The following LRPPRC variants were observed in gnomAD, a reference collection of about 807,000 sequenced individuals.
The protein encoded by LRPPRC is leucine rich pentatricopeptide repeat containing.
Under a neutral mutation model 180.3 loss-of-function variants are expected in LRPPRC, and 120 were observed. The observed-to-expected ratio is 0.67, with a 90% confidence interval of 0.57 to 0.77. The LOEUF is 0.77. Among genes scored for constraint, LRPPRC ranks in the 30% least tolerant of loss-of-function variants. LRPPRC has a pLI of 0.00. For synonymous variants in LRPPRC, 723 were observed against 600.0 expected, an observed-to-expected ratio of 1.21 and a Z score of -3.00; for missense variants, 2,012 against 1,657.2, an observed-to-expected ratio of 1.21 and a Z score of -3.72.
rs753390419 is a variant in LRPPRC at position 43,934,768 on chromosome 2, T to A, written c.2615A>T (p.Asp872Val). 2 of 1,612,936 alleles carry A rather than the reference T, an allele frequency of 1.2e-6. No individual in the cohort carries two copies. Among genetic ancestry groups the A allele is most frequent in the Non-Finnish European group, 1.7e-6 (2 of 1,179,042 alleles). Residue 872 changes from aspartate to valine, a missense_variant, in exon 24 of 38, where the codon GAT becomes GTT. Asp to Val is a radical substitution (Grantham distance 152). Coordinates refer to ENST00000260665, the MANE Select transcript of LRPPRC (RefSeq NM_133259.4). Reference sequence around the variant, plus strand: ...AAGTGACTCACCTTTCTGAATTAGATCAGTCTCGCCTTTCTCTACCAGTTT... The same window carrying A: ...AAGTGACTCACCTTTCTGAATTAGAACAGTCTCGCCTTTCTCTACCAGTTT... ...LCKLVEKGET[D>V]LIQKAMDFVS...
intron 3 of LRPPRC, 28 bp downstream of exon 3, chr2:43,979,798 T>C (rs770855056): frequency 1.9e-6 from 3 of 1,606,926 alleles, no homozygotes; most frequent in Non-Finnish European, 2.6e-6. Context: ...ACACCTTTTA[T>C]ACACATCATA....
intron 36 of LRPPRC, among the ~76,000 whole-genome samples, chr2:43,891,221 T>TGGG (rs1212896529): frequency 1.3e-5 from 2 of 152,244 alleles, no homozygotes; most frequent in Non-Finnish European, 2.9e-5. Flanking sequence ...TCTGGCATCT[T>TGGG]GCCTTTCTTT....
intron 1 of LRPPRC, among the ~76,000 whole-genome samples, chr2:43,987,933 G>A (rs1674599497): frequency 6.6e-6 from 1 of 151,836 alleles, no homozygotes; most frequent in African/African-American, 2.4e-5. Flanking sequence ...TATTAATTAT[G>A]GTAAATGTAA....
chr2:43,890,732 A>C (rs995288192), intron 36 of LRPPRC, among the ~76,000 whole-genome samples: 1 of 152,180 alleles, frequency 6.6e-6, no homozygotes, highest in African/African-American at 2.4e-5. Context: ...AACAAAAGCA[A>C]AACCTATAAG....
At chr2:43,966,501 C>G (rs1347836580) in intron 11 of LRPPRC, among the ~76,000 whole-genome samples, 2 of 151,664 alleles carry the variant, frequency 1.3e-5, no homozygotes, top group Non-Finnish European at 2.9e-5. Flanking sequence ...ACCTCCACCT[C>G]CTGGGTTCAA....
At chr2:43,893,922 G>A (rs1430805956) in intron 36 of LRPPRC, among the ~76,000 whole-genome samples, 1 of 152,002 alleles carries the variant, frequency 6.6e-6, no homozygotes, top group Non-Finnish European at 1.5e-5. Context: ...CAAATCAGTG[G>A]GCCACAGATG....
chr2:43,957,040 T>G (rs1422589866), intron 14 of LRPPRC, among the ~76,000 whole-genome samples: 2 of 152,196 alleles, frequency 1.3e-5, no homozygotes, highest in Non-Finnish European at 2.9e-5. Flanking sequence ...GAATGATACT[T>G]TACTGAATAA....
rs200299073 is a variant in LRPPRC at position 43,963,572 on chromosome 2, C to G, written c.1488+16G>C. 1.4e-6 allele frequency: 2 copies of G among 1,412,624 alleles called. No individual in the cohort carries two copies. The highest frequency in any genetic ancestry group is 1.7e-5 in the Admixed American group (1 of 59,762). 87.5% of individuals were successfully genotyped at this position (1,412,624 alleles called of 1,614,324 possible). A position where few individuals can be genotyped will look rare whatever the true frequency, so the allele number is the denominator to read the frequency against. On this transcript the variant is annotated intron_variant, in intron 12 of 37. Transcript: ENST00000260665. ...ATCCTCTTCAATTATTAAATTAAAA[C>G]CACACTTGTACTCACCTGCAAAATG... is the stretch of plus-strand genomic sequence containing the variant.
intron 25 of LRPPRC, among the ~76,000 whole-genome samples, chr2:43,927,185 T>G (rs1671910266): frequency 6.6e-6 from 1 of 152,266 alleles, no homozygotes; most frequent in African/African-American, 2.4e-5. Context: ...CCCTGGCTGC[T>G]CCAGTCTAGA....
At chr2:43,977,305 A>G in intron 3 of LRPPRC, 29 bp from the exon 4 acceptor site, 1 of 1,576,878 alleles carries the variant, frequency 6.3e-7, no homozygotes, top group Non-Finnish European at 8.7e-7. Flanking sequence ...ATGAATTTTT[A>G]GAAAAGCATT....
intron 29 of LRPPRC, among the ~76,000 whole-genome samples, 193 bp downstream of exon 29, chr2:43,917,832 C>G (rs1024865259): frequency 2.6e-5 from 4 of 152,054 alleles, no homozygotes; most frequent in African/African-American, 7.2e-5. Flanking sequence ...TTATCTACCA[C>G]TCAGTCAATA....
At chr2:43,909,093 A>G (rs949277360) in intron 30 of LRPPRC, among the ~76,000 whole-genome samples, 5 of 152,224 alleles carry the variant, frequency 3.3e-5, no homozygotes, top group African/African-American at 4.8e-5. Flanking sequence ...AACCCACAAA[A>G]TATCTCTTGA....
intron 35 of LRPPRC, among the ~76,000 whole-genome samples, chr2:43,895,712 C>G (rs1670654077): frequency 6.6e-6 from 1 of 151,980 alleles, no homozygotes; most frequent in African/African-American, 2.4e-5. Context: ...AAACGTAGAC[C>G]TCCCAAACTG....
intron 27 of LRPPRC, among the ~76,000 whole-genome samples, chr2:43,920,078 TTAAAAA>T (rs1354898008): frequency 7.2e-5 from 5 of 69,566 alleles, no homozygotes; most frequent in Admixed American, 3.8e-4. Context: ...AATCAGCAAT[TTAAAAA>T]AAAAAAAAAA....
At chr2:43,978,105 T>C (rs563800983) in intron 3 of LRPPRC, among the ~76,000 whole-genome samples, 10 of 152,290 alleles carry the variant, frequency 6.6e-5, no homozygotes, top group South Asian at 4.1e-4. Context: ...GTTCCACATA[T>C]AGTGGCTCAC....
intron 31 of LRPPRC, 124 bp downstream of exon 31, chr2:43,905,568 C>T: frequency 1.3e-6 from 1 of 767,862 alleles, no homozygotes; most frequent in African/African-American, 1.7e-5. Context: ...TCAGCTACCA[C>T]AAAAGGCTCT....
At chr2:43,899,907 T>C (rs1198530205) in intron 32 of LRPPRC, among the ~76,000 whole-genome samples, 4 of 152,218 alleles carry the variant, frequency 2.6e-5, no homozygotes, top group Admixed American at 2.6e-4. Flanking sequence ...TACAGGAGAA[T>C]TAATGAAGAT....
chr2:43,918,571 T>C (rs1671564402), intron 27 of LRPPRC, among the ~76,000 whole-genome samples, 173 bp from the exon 28 acceptor site: 1 of 152,086 alleles, frequency 6.6e-6, no homozygotes, highest in Non-Finnish European at 1.5e-5. Context: ...AACTTTTCTC[T>C]GTACTTCTGA....
chr2:43,937,174 T>C (rs1672307188), intron 23 of LRPPRC, among the ~76,000 whole-genome samples: 1 of 152,172 alleles, frequency 6.6e-6, no homozygotes, highest in South Asian at 2.1e-4. Context: ...TCCAAATATA[T>C]GCTTCTGAAG....
Sources: gnomAD v4.1 joint callset for allele counts (sites outside exome capture counted in the v4.1 genomes callset) on GRCh38, gnomAD v4.1.1 for gene constraint, MANE v1.5 for transcripts, NCBI Gene and HGNC (gene_info 2026-07-23, HGNC 2026-07-21) for gene names.